LRRC4C: variants seen among roughly 807,000 people sequenced by gnomAD.
LRRC4C encodes the protein leucine-rich repeat-containing protein 4C.
Under a neutral mutation model 33.6 loss-of-function variants are expected in LRRC4C, and 5 were observed. The observed-to-expected ratio is 0.15, with a 90% CI of 0.08 to 0.31. LRRC4C has a LOEUF of 0.31. LRRC4C is among the 10% of genes least tolerant of loss of function. The pLI is 1.00. For missense variants in LRRC4C, 560 were observed against 796.7 expected, an observed-to-expected ratio of 0.70 and a Z score of 3.58; for synonymous variants, 329 against 302.0, an observed-to-expected ratio of 1.09 and a Z score of -0.93.
At chr11:40,623,305 G>A (rs1401708093) in intron 3 of LRRC4C, among the ~76,000 whole-genome samples, 1 of 151,876 alleles carries the variant, frequency 6.6e-6, no homozygotes, top group Non-Finnish European at 1.5e-5. Flanking sequence ...TTAAATAAGA[G>A]TTATAGGAGG....
intron 2 of LRRC4C, among the ~76,000 whole-genome samples, chr11:40,746,600 C>A (rs1340542636): frequency 6.6e-6 from 1 of 152,152 alleles, no homozygotes; most frequent in Non-Finnish European, 1.5e-5. Flanking sequence ...ATCACCACAC[C>A]CTTTTCTCAC....
intron 1 of LRRC4C, among the ~76,000 whole-genome samples, chr11:41,140,360 G>A (rs2135902658): frequency 7.9e-6 from 1 of 127,132 alleles, no homozygotes; most frequent in African/African-American, 2.8e-5. Context: ...ACAAGGTCAG[G>A]CACGGACCCT....
chr11:41,120,203 G>GA (rs199564955), intron 1 of LRRC4C, among the ~76,000 whole-genome samples: 2 of 152,038 alleles, frequency 1.3e-5, no homozygotes, highest in Admixed American at 6.6e-5. Flanking sequence ...TGAGCAGCCA[G>GA]AAAAAAACTC....
intron 5 of LRRC4C, among the ~76,000 whole-genome samples, chr11:40,215,772 A>C (rs1319323437): frequency 6.6e-6 from 1 of 152,194 alleles, no homozygotes; most frequent in East Asian, 1.9e-4. Context: ...ACACAAAGGC[A>C]GTCTGGGAGA....
chr11:41,336,997 G>A (rs939085444), intron 1 of LRRC4C, among the ~76,000 whole-genome samples: 1 of 151,832 alleles, frequency 6.6e-6, no homozygotes, highest in Non-Finnish European at 1.5e-5. Flanking sequence ...CAGCAGAAGA[G>A]GAATGTACAC....
chr11:40,986,766 T>A (rs1452116479), intron 1 of LRRC4C, among the ~76,000 whole-genome samples: 3 of 152,212 alleles, frequency 2.0e-5, no homozygotes, highest in Non-Finnish European at 4.4e-5. Flanking sequence ...TCCACTAACC[T>A]TGAGAGCAGG....
chr11:41,040,997 A>G (rs1857396913), intron 1 of LRRC4C, among the ~76,000 whole-genome samples: 1 of 152,238 alleles, frequency 6.6e-6, no homozygotes, highest in Admixed American at 6.5e-5. Context: ...TTTAAAAAAC[A>G]TTAAATTGAA....
At chr11:40,481,390 T>C (rs1033356053) in intron 3 of LRRC4C, among the ~76,000 whole-genome samples, 1 of 152,184 alleles carries the variant, frequency 6.6e-6, no homozygotes, top group Non-Finnish European at 1.5e-5. Context: ...AACATTTTGA[T>C]GATTTTCTAA....
At chr11:40,618,028 T>G (rs1231817179) in intron 3 of LRRC4C, among the ~76,000 whole-genome samples, 1 of 151,682 alleles carries the variant, frequency 6.6e-6, no homozygotes, top group Non-Finnish European at 1.5e-5. Flanking sequence ...TAATAAAACC[T>G]GTGATTTCCC....
intron 2 of LRRC4C, among the ~76,000 whole-genome samples, chr11:40,727,421 A>T (rs1947337833): frequency 6.6e-6 from 1 of 152,200 alleles, no homozygotes; most frequent in African/African-American, 2.4e-5. Flanking sequence ...TTAACTCAAG[A>T]TGAATTAAAT....
intron 1 of LRRC4C, among the ~76,000 whole-genome samples, chr11:41,163,208 T>G (rs979938233): frequency 6.6e-6 from 1 of 151,764 alleles, no homozygotes; most frequent in Admixed American, 6.6e-5. Flanking sequence ...CAATTAAACC[T>G]CTTTTTCTTC....
chr11:40,420,419 A>G (rs945264411), intron 3 of LRRC4C, among the ~76,000 whole-genome samples: 1 of 151,808 alleles, frequency 6.6e-6, no homozygotes, highest in Non-Finnish European at 1.5e-5. Flanking sequence ...TTTCCACCCA[A>G]CTTCCCTCAC....
At chr11:40,851,659 T>C (rs1257077804) in intron 2 of LRRC4C, among the ~76,000 whole-genome samples, 1 of 152,106 alleles carries the variant, frequency 6.6e-6, no homozygotes, top group Non-Finnish European at 1.5e-5. Context: ...AGACAAACTG[T>C]TTCCCAGCTA....
chr11:40,909,829 A>C (rs1956587098), intron 2 of LRRC4C, among the ~76,000 whole-genome samples: 1 of 152,206 alleles, frequency 6.6e-6, no homozygotes, highest in Non-Finnish European at 1.5e-5. Context: ...ACTGAAAATC[A>C]AAAAGGTTAA....
chr11:41,406,337 T>C (rs1233575145), intron 1 of LRRC4C, among the ~76,000 whole-genome samples: 5 of 152,198 alleles, frequency 3.3e-5, no homozygotes, highest in Non-Finnish European at 7.3e-5. Flanking sequence ...CTGGAAATCA[T>C]AGAATTCCAT....
intron 2 of LRRC4C, among the ~76,000 whole-genome samples, chr11:40,731,718 C>A (rs1014926713): frequency 2.8e-4 from 43 of 152,114 alleles, no homozygotes; most frequent in Admixed American, 1.2e-3. Context: ...GTGCTATGAA[C>A]AGAACAGCCT....
chr11:40,759,370 G>A (rs975784289), intron 2 of LRRC4C, among the ~76,000 whole-genome samples: 1 of 150,842 alleles, frequency 6.6e-6, no homozygotes, highest in African/African-American at 2.4e-5. Context: ...GATAATTTAA[G>A]TGGTTATGTG....
At chr11:40,964,635 C>T (rs1851212204) in intron 1 of LRRC4C, among the ~76,000 whole-genome samples, 2 of 150,514 alleles carry the variant, frequency 1.3e-5, no homozygotes, top group African/African-American at 4.9e-5. Context: ...GTTTTTTGTC[C>T]TTGTGATAGT....
intron 3 of LRRC4C, among the ~76,000 whole-genome samples, chr11:40,500,037 G>T (rs1954666619): frequency 6.6e-6 from 1 of 151,994 alleles, no homozygotes; most frequent in South Asian, 2.1e-4. Flanking sequence ...CTGGGAATTA[G>T]AATGGAAATA....
Sources: allele counts gnomAD v4.1 joint callset (sites outside exome capture counted in the v4.1 genomes callset), GRCh38; gene constraint gnomAD v4.1.1; transcripts MANE v1.5; gene names NCBI Gene and HGNC (gene_info 2026-07-23, HGNC 2026-07-21).